Variants in LARS2 observed in about 807,000 individuals in gnomAD.
The protein encoded by LARS2 is leucine--tRNA ligase, mitochondrial.
LARS2 carries 81 observed loss-of-function variants against 116.6 expected under a neutral mutation model. The ratio of observed to expected loss-of-function variants is 0.69; its 90% confidence interval spans 0.58 to 0.84. The LOEUF (loss-of-function observed/expected upper bound fraction) is 0.84, where lower values mean the gene tolerates loss of function less well. Among genes scored for constraint, LARS2 ranks in the 40% least tolerant of loss-of-function variants. The pLI, the probability that LARS2 is intolerant of heterozygous loss-of-function variation, is 0.00. For synonymous variants in LARS2, 396 were observed against 407.2 expected (o/e 0.97, Z 0.33); for missense variants, 968 against 1,114.5 (o/e 0.87, Z 1.87).
At chr3:45,524,472 A>G (rs1700505360) in intron 20 of LARS2, among the ~76,000 whole-genome samples, 1 of 152,228 alleles carries the variant, frequency 6.6e-6, no homozygotes, top group Non-Finnish European at 1.5e-5. Context: ...ATTAAGTTAT[A>G]GGTCTAAACT....
intron 4 of LARS2, among the ~76,000 whole-genome samples, chr3:45,411,239 G>A (rs946072488): frequency 4.6e-5 from 7 of 152,194 alleles, no homozygotes; most frequent in African/African-American, 1.4e-4. Context: ...CACTGGCCCT[G>A]CCGGCATTTA....
intron 8 of LARS2, among the ~76,000 whole-genome samples, chr3:45,473,783 T>C (rs1395231410): frequency 6.6e-6 from 1 of 152,018 alleles, no homozygotes; most frequent in African/African-American, 2.4e-5. Flanking sequence ...CCCTTATATA[T>C]TTATAAAATT....
chr3:45,474,291 G>C lies in LARS2; in HGVS notation c.799G>C (p.Gly267Arg), dbSNP rs1699577408. ...CCTTCCAGAATGGTATGGAATAAAA[G>C]GCATGCAAGCCCACTGGATTGGGGA... The part of the protein sequence containing the change: ...ADLPEWYGIK[G>R]MQAHWIGDCV... The change falls in exon 9 of 22, where the codon GGC becomes CGC. Residue 267 changes from glycine to arginine, a missense_variant. Transcript: ENST00000645846. 1 of 1,611,818 alleles carries C rather than the reference G, an allele frequency of 6.2e-7. No homozygotes were observed. The highest frequency in any genetic ancestry group is 1.3e-5 in the African/African-American group (1 of 74,914).
chr3:45,537,644 C>T (rs1700726688), intron 20 of LARS2, among the ~76,000 whole-genome samples: 1 of 152,136 alleles, frequency 6.6e-6, no homozygotes, highest in Non-Finnish European at 1.5e-5. Context: ...TTGGAATTGC[C>T]AAGGCTACAT....
intron 4 of LARS2, among the ~76,000 whole-genome samples, chr3:45,403,644 A>AG (rs1308267446): frequency 1.3e-5 from 2 of 152,108 alleles, no homozygotes; most frequent in African/African-American, 2.4e-5. Context: ...CAGGTGGTTG[A>AG]GGGGCTTGTA....
chr3:45,513,280 C>A, intron 16 of LARS2, 45 bp downstream of exon 16: 1 of 1,285,896 alleles, frequency 7.8e-7, no homozygotes, highest in Non-Finnish European at 1.1e-6. Flanking sequence ...CCCAGAGAGC[C>A]AAGGCCAGGC....
intron 6 of LARS2, among the ~76,000 whole-genome samples, chr3:45,443,326 T>G (rs956590627): frequency 1.3e-5 from 2 of 152,254 alleles, no homozygotes; most frequent in African/African-American, 4.8e-5. Flanking sequence ...TGGCTTTGAT[T>G]ATTTTGATTG....
intron 6 of LARS2, among the ~76,000 whole-genome samples, chr3:45,444,099 G>T (rs1485941735): frequency 6.6e-6 from 1 of 150,954 alleles, no homozygotes; most frequent in Non-Finnish European, 1.5e-5. Context: ...CCGCCTCCTG[G>T]GTTCACGCCC....
chr3:45,496,338 C>G lies in LARS2; in HGVS notation c.1587C>G (p.Tyr529Ter). The G allele has an allele frequency of 6.2e-7, 1 of 1,614,056 alleles. No individual in the cohort carries two copies. Among genetic ancestry groups the G allele is most frequent in the African/African-American group, 1.3e-5 (1 of 75,030 alleles). Residue 529 changes from tyrosine to a stop codon, truncating the protein, a stop_gained, in exon 14 of 22, where the codon TAC becomes TAG. Transcript: ENST00000645846. LOFTEE classifies it high-confidence loss of function. ...ATACCTTTGTTGATTCTGCTTGGTA[C>G]TACTTCAGATACACTGACCCTCATA... The part of the protein sequence containing the change: ...TMDTFVDSAW[Y>*]YFRYTDPHNP...
chr3:45,516,554 G>T (rs953329011), intron 17 of LARS2, among the ~76,000 whole-genome samples: 1 of 152,188 alleles, frequency 6.6e-6, no homozygotes, highest in African/African-American at 2.4e-5. Context: ...TGGGGCTCAG[G>T]AGGTGGCCTT....
chr3:45,507,544 C>T (rs988507431), intron 15 of LARS2, among the ~76,000 whole-genome samples: 2 of 152,118 alleles, frequency 1.3e-5, no homozygotes, highest in South Asian at 2.1e-4. Context: ...AATCTAAATG[C>T]CCCAAAATGC....
intron 15 of LARS2, among the ~76,000 whole-genome samples, chr3:45,503,437 C>T (rs991550519): frequency 6.6e-6 from 1 of 152,052 alleles, no homozygotes; most frequent in East Asian, 1.9e-4. Context: ...GGTTTGGTGT[C>T]CCATCTTTTG....
chr3:45,530,041 G>A lies in LARS2; in HGVS notation c.2404+5933G>A, dbSNP rs374562171. 2.2e-4 allele frequency among the ~76,000 whole-genome samples: 34 copies of A among 152,358 alleles called. No homozygotes were observed. The East Asian group carries it at 6.2e-3, about 28-fold the overall frequency. On this transcript the variant is annotated intron_variant, in intron 20 of 21. Transcript: ENST00000645846. ...GTCAAAACACGACTTCAGAGAGTCA[G>A]TCAGAACACAGAGCAACAGTTTGAC...
At chr3:45,460,734 G>A (rs1251007317) in intron 8 of LARS2, among the ~76,000 whole-genome samples, 6 of 152,200 alleles carry the variant, frequency 3.9e-5, no homozygotes, top group African/African-American at 1.4e-4. Context: ...AGACATGAGG[G>A]GGCTGTGCAG....
chr3:45,461,809 C>T (rs554190633), intron 8 of LARS2, among the ~76,000 whole-genome samples: 3 of 152,216 alleles, frequency 2.0e-5, no homozygotes, highest in South Asian at 4.2e-4. Context: ...TCAAGGAAGC[C>T]GTGGCTTGAA....
At chr3:45,408,486 G>A (rs1394677842) in intron 4 of LARS2, among the ~76,000 whole-genome samples, 2 of 152,222 alleles carry the variant, frequency 1.3e-5, no homozygotes, top group Non-Finnish European at 2.9e-5. Flanking sequence ...CTTGCTTTTT[G>A]TACGGCAGAA....
chr3:45,475,000 G>T (rs2125718879), intron 9 of LARS2, among the ~76,000 whole-genome samples: 1 of 152,308 alleles, frequency 6.6e-6, no homozygotes, highest in South Asian at 2.1e-4. Context: ...TCTAGAAGGG[G>T]TCCCTAAAAC....
At chr3:45,473,985 AT>A (rs1699572210) in intron 8 of LARS2, among the ~76,000 whole-genome samples, 1 of 151,986 alleles carries the variant, frequency 6.6e-6, no homozygotes, top group African/African-American at 2.4e-5. Context: ...TTGTTTGTTA[AT>A]TTTCTTCTTT....
At chr3:45,501,927 T>C (rs1700129436) in intron 15 of LARS2, among the ~76,000 whole-genome samples, 1 of 152,006 alleles carries the variant, frequency 6.6e-6, no homozygotes, top group Non-Finnish European at 1.5e-5. Flanking sequence ...ACACCGATTT[T>C]TTTTTAATTT....
Sources: gnomAD v4.1 joint callset for allele counts (sites outside exome capture counted in the v4.1 genomes callset) on GRCh38, gnomAD v4.1.1 for gene constraint, MANE v1.5 for transcripts, NCBI Gene and HGNC (gene_info 2026-07-23, HGNC 2026-07-21) for gene names.